ARHGEF11: variants seen among roughly 807,000 people sequenced by gnomAD.
ARHGEF11 encodes the protein Rho guanine nucleotide exchange factor 11, also known as Rho guanine exchange factor (GEF) 11.
In ARHGEF11, 55 loss-of-function variants were observed where a neutral mutation model predicts 193.7. That is an observed-to-expected ratio of 0.28 (90% CI 0.23 to 0.36). The LOEUF (loss-of-function observed/expected upper bound fraction) is 0.36, where lower values mean the gene tolerates loss of function less well. ARHGEF11 is among the 10% of genes least tolerant of loss of function. The probability of loss-of-function intolerance (pLI) is 1.00; values close to 1 mark genes in which losing one functional copy is unlikely to be tolerated. For missense variants in ARHGEF11, 1,723 were observed against 2,005.6 expected, an observed-to-expected ratio of 0.86 and a Z score of 2.69; for synonymous variants, 693 against 768.0, an observed-to-expected ratio of 0.90 and a Z score of 1.62.
At chr1:156,969,039 C>T (rs11800499) in intron 10 of ARHGEF11, among the ~76,000 whole-genome samples, 2,896 of 152,332 alleles carry the variant, frequency 0.019, 90 homozygotes, top group African/African-American at 0.066. Flanking sequence ...GCCCTCTCCA[C>T]CCTACTCTTT....
rs1475685349 is a variant in ARHGEF11 at position 157,019,742 on chromosome 1, G to A, written c.32+24557C>T. 3.9e-5 allele frequency among the ~76,000 whole-genome samples: 6 copies of A among 152,160 alleles called. No homozygotes were observed. The East Asian group carries it at 1.2e-3, about 29-fold the overall frequency. ...CCACTGCAAAATAATTGTGTTGGTTGAAAAAAGACAAGAAATGAGCATATA... is the reference window on the plus strand; with the variant it reads ...CCACTGCAAAATAATTGTGTTGGTTAAAAAAAGACAAGAAATGAGCATATA... On this transcript the variant is annotated intron_variant, in intron 1 of 40. Transcript: ENST00000368194.
rs373942846 is a variant in ARHGEF11, at chr1:156,962,810, C to T, written c.1140+393G>A. Among the ~76,000 whole-genome samples the T allele has an allele frequency of 6.4e-4, 83 of 129,864 alleles. 1 individual carries two copies. The highest frequency in any genetic ancestry group is 2.2e-3 in the African/African-American group (77 of 34,614). The allele number at this position is 129,864 out of a possible 152,430, so 85.2% of individuals were successfully genotyped here. On this transcript the variant is annotated intron_variant, in intron 13 of 40. Transcript: ENST00000368194. ...AGGAGAACAGCGTGAACCTGGGAGG[C>T]GGAGCTTGCAGTGAGCTGAGATCGC...
intron 16 of ARHGEF11, 84 bp from the exon 17 acceptor site, chr1:156,958,948 T>G: frequency 6.2e-7 from 1 of 1,609,192 alleles, no homozygotes; most frequent in Non-Finnish European, 8.5e-7. Flanking sequence ...GACAAACACA[T>G]ATAACAAGAG....
chr1:157,009,633 T>C (rs1668315763), intron 1 of ARHGEF11, among the ~76,000 whole-genome samples: 1 of 152,196 alleles, frequency 6.6e-6, no homozygotes, highest in Non-Finnish European at 1.5e-5. Flanking sequence ...CTTTTATTTC[T>C]CCTGGATTCT....
rs756264591 is a variant in ARHGEF11 at position 156,939,657 on chromosome 1, G to A, written c.3987C>T (p.Pro1329=). ...DMGLCSLEHL[P]PRTRNSGIWE... ...ATATCCCAGAATTTCTGGTCCTTGG[G>A]GGTAGGTGTTCCAGAGAACAGAGAC... The change falls in exon 37 of 41, where the codon CCC becomes CCT. Residue 1329 remains proline (P), a synonymous_variant. Transcript: ENST00000368194. The A allele has an allele frequency of 5.0e-6, 8 of 1,613,928 alleles. No homozygotes were observed. The highest frequency in any genetic ancestry group is 1.1e-5 in the South Asian group (1 of 91,084).
chr1:157,030,936 GC>G, intron 1 of ARHGEF11, among the ~76,000 whole-genome samples: 1 of 151,338 alleles, frequency 6.6e-6, no homozygotes, highest in South Asian at 2.1e-4. Flanking sequence ...CATGAATTAT[GC>G]CCCCGCCCCC....
intron 5 of ARHGEF11, 53 bp downstream of exon 5, chr1:156,979,176 C>T: frequency 6.4e-7 from 1 of 1,563,100 alleles, no homozygotes; most frequent in Non-Finnish European, 8.8e-7. Context: ...CTCCTTTCCT[C>T]CCTCTCGGAT....
chr1:156,946,175 A>T lies in ARHGEF11; in HGVS notation c.2695-13T>A. ...GGCTCTCAGCCTCCTAGACAGCAGGAGACACAGAAGGGAGGAGATGTCAGC... is the reference window on the plus strand; with the variant it reads ...GGCTCTCAGCCTCCTAGACAGCAGGTGACACAGAAGGGAGGAGATGTCAGC... On this transcript the variant is annotated splice_polypyrimidine_tract_variant and intron_variant, in intron 28 of 40. Coordinates refer to ENST00000368194, the MANE Select transcript of ARHGEF11 (RefSeq NM_198236.3). The T allele has an allele frequency of 6.2e-7, 1 of 1,609,984 alleles. No homozygotes were observed. Among genetic ancestry groups the T allele is most frequent in the Non-Finnish European group, 8.5e-7 (1 of 1,177,628 alleles).
intron 35 of ARHGEF11, 36 bp downstream of exon 35, chr1:156,941,336 T>A (rs80263792): frequency 0.013 from 20,975 of 1,611,658 alleles, 147 homozygotes; most frequent in Middle Eastern, 0.017. Context: ...GAAAAAGGCC[T>A]GGGCTGGCTC....
chr1:156,955,068 T>G, intron 20 of ARHGEF11, 147 bp from the exon 21 acceptor site: 1 of 688,326 alleles, frequency 1.5e-6, no homozygotes, highest in Non-Finnish European at 2.4e-6. Context: ...TTCCGTTTCC[T>G]GCAATGCAGC....
chr1:156,963,361 C>A, intron 12 of ARHGEF11, 57 bp from the exon 13 acceptor site: 1 of 1,542,294 alleles, frequency 6.5e-7, no homozygotes, highest in Non-Finnish European at 8.9e-7. Context: ...ACAGCGGGTT[C>A]CAGCTTAGCT....
rs36031299 is a variant in ARHGEF11 at position 156,979,361 on chromosome 1, C to CTTTTTTT, written c.274-82_274-76dup. ...ATCCTTCTGTAAGTTCAAAATGCCA[C>CTTTTTTT]TTTTTTTTTTTTTTTTTTTTTTGAG... On this transcript the variant is annotated intron_variant, in intron 4 of 40. Coordinates refer to ENST00000368194, the MANE Select transcript of ARHGEF11 (RefSeq NM_198236.3). The CTTTTTTT allele has an allele frequency of 1.3e-4, 66 of 507,174 alleles. 1 individual carries two copies. The highest frequency in any genetic ancestry group is 4.4e-4 in the South Asian group (18 of 41,038). The allele number at this position is 507,174 out of a possible 1,614,324, so 31.4% of individuals were successfully genotyped here. A position where few individuals can be genotyped will look rare whatever the true frequency, so the allele number is the denominator to read the frequency against.
Position 156,944,349 on chromosome 1 carries a change from G to A in ARHGEF11, c.3067+9C>T. 1 of 1,613,998 alleles carries A rather than the reference G, an allele frequency of 6.2e-7. No individual in the cohort carries two copies. Among genetic ancestry groups the A allele is most frequent in the Non-Finnish European group, 8.5e-7 (1 of 1,179,944 alleles). On this transcript the variant is annotated intron_variant, in intron 31 of 40. Coordinates refer to ENST00000368194, the MANE Select transcript of ARHGEF11 (RefSeq NM_198236.3). ...GGTTCCTGCTCAGTCCCAGTCCCCT[G>A]GCACATACCCAAGGTCTTATCCTTG...
chr1:156,949,522 A>G (rs1053415785), intron 22 of ARHGEF11, among the ~76,000 whole-genome samples: 1 of 152,124 alleles, frequency 6.6e-6, no homozygotes, highest in Non-Finnish European at 1.5e-5. Context: ...ATTGTGCCCA[A>G]ACTGCCAGAT....
intron 1 of ARHGEF11, among the ~76,000 whole-genome samples, chr1:157,023,955 T>TA (rs2102934290): frequency 6.6e-6 from 1 of 151,970 alleles, no homozygotes; most frequent in East Asian, 1.9e-4. Context: ...CCAAGAGAAA[T>TA]AAAAACATAT....
At chr1:157,020,060 C>A (rs1375111172) in intron 1 of ARHGEF11, among the ~76,000 whole-genome samples, 1 of 150,394 alleles carries the variant, frequency 6.6e-6, no homozygotes, top group East Asian at 2.0e-4. Flanking sequence ...GGAGACGGAG[C>A]TTGCAGTGAG....
At chr1:156,937,086 G>C in intron 39 of ARHGEF11, 81 bp from the exon 40 acceptor site, 2 of 1,572,082 alleles carry the variant, frequency 1.3e-6, no homozygotes, top group Non-Finnish European at 1.7e-6. Context: ...GCTGGGCCTT[G>C]GGGAGGAGGG....
intron 1 of ARHGEF11, among the ~76,000 whole-genome samples, chr1:157,015,726 G>C (rs1352786283): frequency 6.6e-6 from 1 of 152,226 alleles, no homozygotes; most frequent in Non-Finnish European, 1.5e-5. Context: ...GTGTGGATTA[G>C]TGCCTCTTTC....
At chr1:156,969,615 T>C (rs1662235421) in intron 9 of ARHGEF11, among the ~76,000 whole-genome samples, 1 of 152,140 alleles carries the variant, frequency 6.6e-6, no homozygotes, top group East Asian at 1.9e-4. Context: ...GAAATAAGAC[T>C]CCATAACTCT....
Sources: gnomAD v4.1 joint callset for allele counts (sites outside exome capture counted in the v4.1 genomes callset) on GRCh38, gnomAD v4.1.1 for gene constraint, MANE v1.5 for transcripts, NCBI Gene and HGNC (gene_info 2026-07-23, HGNC 2026-07-21) for gene names.